Variants in STX8 observed in about 807,000 individuals in gnomAD.
STX8 encodes syntaxin 8, also known as syntaxin-8.
STX8 carries 23 observed loss-of-function variants against 37.5 expected under a neutral mutation model. The observed-to-expected ratio is 0.61, with a 90% confidence interval of 0.44 to 0.87. The LOEUF is 0.87. Ranked by LOEUF, STX8 falls within the 40% of genes least tolerant of loss-of-function variation. The pLI, the probability that STX8 is intolerant of heterozygous loss-of-function variation, is 0.00. For missense variants in STX8, 313 were observed against 284.7 expected, an observed-to-expected ratio of 1.10 and a Z score of -0.71; for synonymous variants, 115 against 99.1, an observed-to-expected ratio of 1.16 and a Z score of -0.95.
intron 7 of STX8, among the ~76,000 whole-genome samples, chr17:9,258,940 C>T (rs1010341106): frequency 2.0e-5 from 3 of 152,250 alleles, no homozygotes; most frequent in African/African-American, 4.8e-5. Context: ...ACACAGCCAG[C>T]TTGTCCTGGA....
intron 1 of STX8, 61 bp downstream of exon 1, chr17:9,575,731 T>C (rs7210038): frequency 0.78 from 1,197,898 of 1,539,408 alleles, 469,646 homozygotes; most frequent in East Asian, 0.99. Flanking sequence ...TTGCCTGCTC[T>C]CCGGAAGCCC....
At chr17:9,562,946 C>A (rs906042028) in intron 2 of STX8, among the ~76,000 whole-genome samples, 1 of 152,012 alleles carries the variant, frequency 6.6e-6, no homozygotes, top group Admixed American at 6.6e-5. Flanking sequence ...TTATTTACTG[C>A]GGTGTTATTC....
intron 7 of STX8, among the ~76,000 whole-genome samples, chr17:9,300,830 CTTTTT>C (rs1164799565): frequency 6.6e-5 from 6 of 90,908 alleles, no homozygotes; most frequent in Admixed American, 1.5e-4. Context: ...TTATTTTGTT[CTTTTT>C]TTTTTTTTTT....
intron 4 of STX8, among the ~76,000 whole-genome samples, chr17:9,538,277 T>C (rs953703900): frequency 1.3e-5 from 2 of 152,218 alleles, no homozygotes; most frequent in African/African-American, 4.8e-5. Context: ...GTTTATGATA[T>C]GGATGTATAT....
intron 4 of STX8, among the ~76,000 whole-genome samples, chr17:9,536,525 T>G (rs1906064696): frequency 6.6e-6 from 1 of 152,142 alleles, no homozygotes; most frequent in South Asian, 2.1e-4. Flanking sequence ...AGGCACCCCC[T>G]TAACAATCGT....
At chr17:9,490,394 C>T (rs144632924) in intron 6 of STX8, among the ~76,000 whole-genome samples, 188 of 151,574 alleles carry the variant, frequency 1.2e-3, no homozygotes, top group African/African-American at 4.5e-3. Context: ...TTTTTTGAGA[C>T]GGAGACTTGC....
At chr17:9,410,573 G>C (rs527913661) in intron 6 of STX8, among the ~76,000 whole-genome samples, 11 of 152,308 alleles carry the variant, frequency 7.2e-5, no homozygotes, top group African/African-American at 2.6e-4. Flanking sequence ...GCTACGCATA[G>C]TGCAGCTGTT....
intron 7 of STX8, among the ~76,000 whole-genome samples, chr17:9,254,211 C>G (rs1036838293): frequency 2.6e-5 from 4 of 152,188 alleles, no homozygotes; most frequent in African/African-American, 9.7e-5. Flanking sequence ...CCGGTGCCCC[C>G]AACAGGCTGA....
chr17:9,283,851 T>C (rs1907981056), intron 7 of STX8, among the ~76,000 whole-genome samples: 1 of 152,222 alleles, frequency 6.6e-6, no homozygotes, highest in African/African-American at 2.4e-5. Context: ...CTGATGGAAA[T>C]TGTAACCTGA....
rs543338775 is a variant in STX8, at chr17:9,421,263, A to G, written c.542-42610T>C. Among the ~76,000 whole-genome samples, 102 of 151,868 alleles carry G rather than the reference A, an allele frequency of 6.7e-4. 1 individual carries two copies. The highest frequency in any genetic ancestry group is 2.1e-3 in the African/African-American group (85 of 41,432). ...CGAAATTAGCCGGGCATGGTGGCGC[A>G]TGCCTGTAATCCCAGCTACTCGGGA... is the stretch of plus-strand genomic sequence containing the variant. On this transcript the variant is annotated intron_variant, in intron 6 of 7. Transcript: ENST00000306357.
chr17:9,561,453 G>C (rs1020406817), intron 2 of STX8, among the ~76,000 whole-genome samples: 3 of 152,060 alleles, frequency 2.0e-5, no homozygotes, highest in African/African-American at 7.2e-5. Flanking sequence ...GAGACCAAGA[G>C]TTTGAGACCA....
chr17:9,288,162 C>CA (rs1179091152), intron 7 of STX8, among the ~76,000 whole-genome samples: 13 of 33,244 alleles, frequency 3.9e-4, no homozygotes, highest in African/African-American at 1.5e-3. Context: ...AAACCAAAAA[C>CA]AAAAAACCAA....
At position 9,473,664 on chromosome 17, in the gene STX8, T is replaced by A. The variant is rs533255222; in HGVS notation, c.541+18165A>T. 1.8e-4 allele frequency among the ~76,000 whole-genome samples: 27 copies of A among 152,002 alleles called. No homozygotes were observed. The South Asian group carries it at 2.1e-3, about 12-fold the overall frequency. ...CAGTGCAGATTCAACCATCCATTTT[T>A]AAAAAAAAAATTTGATTCTCAGTTG... On this transcript the variant is annotated intron_variant, in intron 6 of 7. Transcript: ENST00000306357.
At chr17:9,543,913 T>C (rs1036990891) in intron 4 of STX8, among the ~76,000 whole-genome samples, 22 of 152,162 alleles carry the variant, frequency 1.4e-4, no homozygotes, top group African/African-American at 4.8e-4. Flanking sequence ...GGATCGCCGC[T>C]CCTGAGAAGA....
intron 6 of STX8, among the ~76,000 whole-genome samples, chr17:9,479,268 T>C (rs1273965548): frequency 6.6e-6 from 1 of 152,144 alleles, no homozygotes; most frequent in African/African-American, 2.4e-5. Flanking sequence ...GCGCGGTGGC[T>C]CACTCCTGCA....
At position 9,346,779 on chromosome 17, in the gene STX8, A is replaced by C. The variant is rs112633630; in HGVS notation, c.643+31773T>G. On this transcript the variant is annotated intron_variant, in intron 7 of 7. Coordinates refer to ENST00000306357, the MANE Select transcript of STX8 (RefSeq NM_004853.3). ...CTGAATCTGGTCTGATGTTCTTACC[A>C]GTTTTATGGCTGTACCAGTTTTATG... 9.6e-4 allele frequency among the ~76,000 whole-genome samples: 146 copies of C among 152,314 alleles called. 1 individual carries two copies. The highest frequency in any genetic ancestry group is 3.4e-3 in the African/African-American group (141 of 41,578).
chr17:9,476,385 T>G (rs1053252060), intron 6 of STX8, among the ~76,000 whole-genome samples: 2 of 152,190 alleles, frequency 1.3e-5, no homozygotes, highest in Non-Finnish European at 2.9e-5. Context: ...AACATTAACT[T>G]TCTCACAATT....
rs11871400 is a variant in STX8 at position 9,449,278 on chromosome 17, T to C, written c.541+42551A>G. ...TTCCACTGGTAAATAAACAAACAAA[T>C]TGCCGGGTGCGGTGGCTCACACCTA... is the stretch of plus-strand genomic sequence containing the variant. On this transcript the variant is annotated intron_variant, in intron 6 of 7. Transcript: ENST00000306357. 7.2e-3 allele frequency among the ~76,000 whole-genome samples: 1,095 copies of C among 152,134 alleles called. 14 individuals carry two copies. The highest frequency in any genetic ancestry group is 0.025 in the African/African-American group (1,037 of 41,504).
rs192248613 is a variant in STX8 at position 9,443,151 on chromosome 17, G to A, written c.541+48678C>T. Among the ~76,000 whole-genome samples, 5 of 152,298 alleles carry A rather than the reference G, an allele frequency of 3.3e-5. No homozygotes were observed. In the East Asian group the frequency reaches 9.7e-4, roughly 29 times the overall value. On this transcript the variant is annotated intron_variant, in intron 6 of 7. Transcript: ENST00000306357. ...TGCCCTTCTGTAATGTGTCCTCCTT[G>A]CAGGTTACCTTCAAACACAGGCTTG...
Sources: allele counts gnomAD v4.1 joint callset (sites outside exome capture counted in the v4.1 genomes callset), GRCh38; gene constraint gnomAD v4.1.1; transcripts MANE v1.5; gene names NCBI Gene and HGNC (gene_info 2026-07-23, HGNC 2026-07-21).